CPE: variants seen among roughly 807,000 people sequenced by gnomAD.
CPE encodes carbocypeptidase E.
Under a neutral mutation model 53.5 loss-of-function variants are expected in CPE, and 17 were observed. The observed-to-expected ratio is 0.32, with a 90% CI of 0.22 to 0.48. The LOEUF (loss-of-function observed/expected upper bound fraction) is 0.48. Among genes scored for constraint, CPE ranks in the 20% least tolerant of loss-of-function variants. CPE has a pLI of 0.99. For synonymous variants in CPE, 226 were observed against 228.8 expected (o/e 0.99, Z 0.11); for missense variants, 524 against 614.7 (o/e 0.85, Z 1.56).
intron 1 of CPE, chr4:165,418,232 C>A (rs542136296): frequency 1.8e-4 from 27 of 152,290 alleles, no homozygotes; most frequent in African/African-American, 6.3e-4. Flanking sequence ...TCAGGAGACA[C>A]AAGAGTGGGA....
intron 2 of CPE, 68 bp from the exon 3 acceptor site, chr4:165,467,620 A>G (rs1352579752): frequency 4.9e-6 from 7 of 1,432,460 alleles, no homozygotes; most frequent in Non-Finnish European, 6.6e-6. Flanking sequence ...ATTGATAGGG[A>G]CCTTAAATAG....
At position 165,498,253 on chromosome 4, in the gene CPE, G is replaced by A. The variant is rs1304140165; in HGVS notation, c.*643G>A. The A allele has an allele frequency of 6.6e-6, 1 of 152,002 alleles. No individual in the cohort carries two copies. The highest frequency in any genetic ancestry group is 1.5e-5 in the Non-Finnish European group (1 of 67,994). The allele number at this position is 152,002 out of a possible 1,614,324, so 9.4% of individuals were successfully genotyped here. ...CGTTAACACTACTTAAAAGTTTAGGGTTTTCTCTTGGTTGTAGAGTGGCCC... is the reference window on the plus strand; with the variant it reads ...CGTTAACACTACTTAAAAGTTTAGGATTTTCTCTTGGTTGTAGAGTGGCCC... On this transcript the variant is annotated 3_prime_UTR_variant, in exon 9 of 9. Transcript: ENST00000402744.
intron 1 of CPE, among the ~76,000 whole-genome samples, chr4:165,433,518 C>A (rs898832989): frequency 1.3e-5 from 2 of 152,114 alleles, no homozygotes; most frequent in Non-Finnish European, 2.9e-5. Flanking sequence ...ATTCTCCGCA[C>A]CAGGTGTGGG....
intron 1 of CPE, among the ~76,000 whole-genome samples, chr4:165,456,411 G>C (rs1731902063): frequency 6.6e-6 from 1 of 151,978 alleles, no homozygotes; most frequent in Admixed American, 6.6e-5. Context: ...TTAATACAAG[G>C]TAAAAAAGCC....
At chr4:165,404,905 G>A (rs974942795) in intron 1 of CPE, 28 of 760,972 alleles carry the variant, frequency 3.7e-5, no homozygotes, top group South Asian at 5.4e-5. Flanking sequence ...TGACAGCAGC[G>A]ATTTCACTGA....
intron 1 of CPE, chr4:165,404,339 A>G: frequency 1.3e-6 from 1 of 772,052 alleles, no homozygotes; most frequent in Non-Finnish European, 2.4e-6. Flanking sequence ...GCGGAACTGG[A>G]TGTCTTCATC....
At chr4:165,421,614 AT>A (rs1196241456) in intron 1 of CPE, among the ~76,000 whole-genome samples, 1 of 152,166 alleles carries the variant, frequency 6.6e-6, no homozygotes, top group Non-Finnish European at 1.5e-5. Context: ...TTCACATAGT[AT>A]ACCTTTTCAC....
At chr4:165,468,645 A>G (rs1413933391) in intron 3 of CPE, among the ~76,000 whole-genome samples, 1 of 151,938 alleles carries the variant, frequency 6.6e-6, no homozygotes, top group East Asian at 1.9e-4. Context: ...CACCTCTTCC[A>G]TTTCCCTTCT....
At chr4:165,453,969 A>C (rs908959960) in intron 1 of CPE, among the ~76,000 whole-genome samples, 4 of 121,192 alleles carry the variant, frequency 3.3e-5, no homozygotes, top group Non-Finnish European at 6.9e-5. Flanking sequence ...CCTTCACAAA[A>C]GCTAGAATTT....
intron 1 of CPE, among the ~76,000 whole-genome samples, chr4:165,441,935 C>T (rs558463264): frequency 6.7e-6 from 1 of 149,488 alleles, no homozygotes; most frequent in East Asian, 2.0e-4. Flanking sequence ...TTTGTAAATT[C>T]TTGCTATTTA....
intron 1 of CPE, among the ~76,000 whole-genome samples, chr4:165,414,783 A>G (rs4408916): frequency 0.3 from 45,139 of 152,002 alleles, 6,891 homozygotes; most frequent in Middle Eastern, 0.4. Context: ...ATAATTTAGA[A>G]GAATGCATCC....
intron 8 of CPE, 39 bp from the exon 9 acceptor site, chr4:165,497,473 G>A: frequency 8.7e-7 from 1 of 1,151,520 alleles, no homozygotes; most frequent in Middle Eastern, 2.1e-4. Context: ...AAAAACACAT[G>A]CAGTTTGATA....
At chr4:165,456,315 T>C (rs1560887693) in intron 1 of CPE, among the ~76,000 whole-genome samples, 1 of 152,068 alleles carries the variant, frequency 6.6e-6, no homozygotes, top group Non-Finnish European at 1.5e-5. Context: ...ACTTATTCAG[T>C]CAAAAAATTT....
chr4:165,437,278 G>A (rs1395246491), intron 1 of CPE, among the ~76,000 whole-genome samples: 1 of 152,188 alleles, frequency 6.6e-6, no homozygotes, highest in Non-Finnish European at 1.5e-5. Context: ...ATGATGCCGT[G>A]CCTCAACGCA....
intron 1 of CPE, among the ~76,000 whole-genome samples, chr4:165,432,923 T>C (rs1039058508): frequency 1.3e-5 from 2 of 152,194 alleles, no homozygotes; most frequent in African/African-American, 4.8e-5. Flanking sequence ...TGTTCACTGC[T>C]TTCCACGACC....
intron 7 of CPE, among the ~76,000 whole-genome samples, chr4:165,494,769 T>C (rs1260023092): frequency 6.6e-6 from 1 of 152,216 alleles, no homozygotes; most frequent in East Asian, 1.9e-4. Flanking sequence ...TAGAGGTAGA[T>C]TTGATGATAC....
Position 165,487,577 on chromosome 4 carries a change from G to A in CPE, c.1113G>A (p.Gln371=). The part of the protein sequence containing the change: ...NKNSLISYLE[Q]IHRGVKGFVR... ...ACTCCCTCATTAGCTACCTTGAGCA[G>A]GTAAACACAGTCCCCAGCATAAAAA... Residue 371 remains glutamine, a splice_region_variant and synonymous_variant, in exon 6 of 9, where the codon CAG becomes CAA. Transcript: ENST00000402744. 1 of 1,613,930 alleles carries A rather than the reference G, an allele frequency of 6.2e-7. No homozygotes were observed. Among genetic ancestry groups the A allele is most frequent in the Non-Finnish European group, 8.5e-7 (1 of 1,179,958 alleles).
At chr4:165,435,055 A>G (rs1020793184) in intron 1 of CPE, among the ~76,000 whole-genome samples, 4 of 152,172 alleles carry the variant, frequency 2.6e-5, no homozygotes, top group African/African-American at 4.8e-5. Context: ...AGCAGCCTGA[A>G]GCCCTCACCA....
At chr4:165,460,388 G>A (rs1160227495) in intron 1 of CPE, among the ~76,000 whole-genome samples, 2 of 152,294 alleles carry the variant, frequency 1.3e-5, no homozygotes, top group African/African-American at 4.8e-5. Flanking sequence ...GGAGCTGCTT[G>A]CCTGGAGAGG....
Sources: gnomAD v4.1 joint callset for allele counts (sites outside exome capture counted in the v4.1 genomes callset) on GRCh38, gnomAD v4.1.1 for gene constraint, MANE v1.5 for transcripts, NCBI Gene and HGNC (gene_info 2026-07-23, HGNC 2026-07-21) for gene names.